Variants in FMN1 observed in about 807,000 individuals in gnomAD.
FMN1 encodes the protein formin 1.
FMN1 carries 110 observed loss-of-function variants against 132.4 expected under a neutral mutation model. The ratio of observed to expected loss-of-function variants is 0.83; its 90% CI spans 0.71 to 0.97. The LOEUF is 0.97. Ranked by LOEUF, FMN1 falls within the 50% of genes least tolerant of loss-of-function variation. FMN1 has a pLI of 0.00. For missense variants in FMN1, 1,792 were observed against 1,705.3 expected (o/e 1.05, Z -0.90); for synonymous variants, 722 against 651.7 (o/e 1.11, Z -1.64).
intron 16 of FMN1, among the ~76,000 whole-genome samples, chr15:32,862,140 T>C (rs1406438218): frequency 6.6e-6 from 1 of 152,098 alleles, no homozygotes; most frequent in East Asian, 1.9e-4. Context: ...ATGGGAGACC[T>C]GAAGGCTAAT....
At chr15:32,951,485 G>C (rs1016049927) in intron 9 of FMN1, among the ~76,000 whole-genome samples, 11 of 151,986 alleles carry the variant, frequency 7.2e-5, no homozygotes, top group Admixed American at 5.2e-4. Flanking sequence ...AGGGGAAATG[G>C]ATTGTAACTA....
rs377263342 is a variant in FMN1 at position 32,929,981 on chromosome 15, ATTTTTTTTTTTTTTT to A, written c.3139-3735_3139-3721del. Among the ~76,000 whole-genome samples the A allele has an allele frequency of 1.1e-4, 10 of 91,986 alleles. No individual in the cohort carries two copies. In the South Asian group the frequency reaches 3.8e-3, roughly 35 times the overall value. The allele number at this position is 91,986 out of a possible 152,430, so 60.3% of individuals were successfully genotyped here. ...GATCATATGGTAGTTCTATTTTTAA[ATTTTTTTTTTTTTTT>A]TTTTTTTTTTTGAGCTGGAGTCTCG... is the stretch of plus-strand genomic sequence containing the variant. On this transcript the variant is annotated intron_variant, in intron 9 of 20. Coordinates refer to ENST00000616417, the MANE Select transcript of FMN1 (RefSeq NM_001277313.2).
At chr15:32,830,646 T>C (rs1458979744) in intron 17 of FMN1, among the ~76,000 whole-genome samples, 1 of 152,144 alleles carries the variant, frequency 6.6e-6, no homozygotes, top group African/African-American at 2.4e-5. Flanking sequence ...GCTAAGTAAT[T>C]TCTCAAATAT....
chr15:32,966,670 A>G (rs969715945), intron 8 of FMN1, among the ~76,000 whole-genome samples: 8 of 152,238 alleles, frequency 5.3e-5, no homozygotes, highest in African/African-American at 1.9e-4. Flanking sequence ...AAAGCAATTT[A>G]GGTAGATGAG....
intron 10 of FMN1, among the ~76,000 whole-genome samples, chr15:32,913,015 C>G (rs996319363): frequency 7.2e-5 from 11 of 152,118 alleles, no homozygotes; most frequent in African/African-American, 2.7e-4. Context: ...CCTTTAACAT[C>G]TGGAAAGAGT....
At chr15:33,120,063 C>T (rs1290835981) in intron 4 of FMN1, among the ~76,000 whole-genome samples, 1 of 151,984 alleles carries the variant, frequency 6.6e-6, no homozygotes, top group Non-Finnish European at 1.5e-5. Context: ...AATTAAATGA[C>T]TCAATTTGAG....
chr15:32,770,729 T>A lies in FMN1; in HGVS notation c.*3581A>T, dbSNP rs78263497. ...AGGGGAGGGGAGACTGCATGCCATC[T>A]GATATTCAATTCCTCAACCATACTG... On this transcript the variant is annotated 3_prime_UTR_variant, in exon 21 of 21. Transcript: ENST00000616417. 1 of 152,228 alleles carries A rather than the reference T, an allele frequency of 6.6e-6. No homozygotes were observed. Among genetic ancestry groups the A allele is most frequent in the Non-Finnish European group, 1.5e-5 (1 of 68,054 alleles). The allele number at this position is 152,228 out of a possible 1,614,324, so 9.4% of individuals were successfully genotyped here.
intron 19 of FMN1, among the ~76,000 whole-genome samples, chr15:32,781,913 T>C (rs1261417329): frequency 6.6e-6 from 1 of 152,254 alleles, no homozygotes; most frequent in African/African-American, 2.4e-5. Context: ...CCAAACGACT[T>C]ACATTCTTTG....
chr15:33,178,628 T>C (rs1191448628), intron 3 of FMN1, among the ~76,000 whole-genome samples: 1 of 152,238 alleles, frequency 6.6e-6, no homozygotes, highest in Non-Finnish European at 1.5e-5. Context: ...ATCCCAGCTC[T>C]TCCACTTAGC....
At chr15:32,964,318 T>C (rs573725272) in intron 8 of FMN1, 61 bp from the exon 9 acceptor site, 345 of 1,170,810 alleles carry the variant, frequency 2.9e-4, no homozygotes, top group Non-Finnish European at 3.9e-4. Flanking sequence ...TGTAATACAA[T>C]GAAATCTTTC....
At chr15:33,062,813 G>A (rs1393371526) in intron 6 of FMN1, 1 of 152,026 alleles carries the variant, frequency 6.6e-6, no homozygotes, top group Admixed American at 6.6e-5. Flanking sequence ...TTTATTTGGG[G>A]AACATTTAAA....
intron 5 of FMN1, among the ~76,000 whole-genome samples, chr15:33,065,285 C>T (rs1032298145): frequency 1.3e-5 from 2 of 151,104 alleles, no homozygotes; most frequent in African/African-American, 4.9e-5. Flanking sequence ...ACTACAACAA[C>T]AAAAAAACCT....
In FMN1 at chr15:32,804,141, T is replaced by C. The variant is rs922549520; in HGVS notation, c.3980+140A>G. The C allele has an allele frequency of 4.7e-6, 3 of 638,220 alleles. No homozygotes were observed. In the African/African-American group the frequency reaches 5.6e-5, roughly 12 times the overall value. 39.5% of individuals were successfully genotyped at this position (638,220 alleles called of 1,614,324 possible). A position where few individuals can be genotyped will look rare whatever the true frequency, so the allele number is the denominator to read the frequency against. ...GAGTGGGGAATGGGGAATTTGTGTT[T>C]AAAGGGTATAAAGTTTCAGTTGGGG... is the stretch of plus-strand genomic sequence containing the variant. On this transcript the variant is annotated intron_variant, in intron 18 of 20. Transcript: ENST00000616417.
intron 6 of FMN1, among the ~76,000 whole-genome samples, chr15:33,049,593 A>C (rs2036871611): frequency 6.6e-6 from 1 of 152,218 alleles, no homozygotes. Context: ...TTGTTAAATC[A>C]AGTTTAGTCT....
At position 33,064,943 on chromosome 15, in the gene FMN1, T is replaced by C. The variant is rs1468892977; in HGVS notation, c.2161+14A>G. ...GAGATTCATTCCCGGGTCCCTAGCT[T>C]CCTTTCACATTACCTGCTTCAGTGT... On this transcript the variant is annotated intron_variant, in intron 6 of 20. Transcript: ENST00000616417. 1 of 1,582,108 alleles carries C rather than the reference T, an allele frequency of 6.3e-7. No homozygotes were observed.
intron 5 of FMN1, chr15:33,066,490 GC>G (rs1479511157): frequency 6.8e-7 from 1 of 1,475,876 alleles, no homozygotes. Flanking sequence ...ATGTTAAAAT[GC>G]AAAACCCAAT....
intron 4 of FMN1, among the ~76,000 whole-genome samples, chr15:33,093,124 C>T (rs933421892): frequency 1.3e-5 from 2 of 152,276 alleles, no homozygotes; most frequent in Admixed American, 6.5e-5. Flanking sequence ...AAGCTGTTTC[C>T]TCTAATTCTC....
At chr15:33,038,178 A>G (rs996091608) in intron 6 of FMN1, among the ~76,000 whole-genome samples, 1 of 152,252 alleles carries the variant, frequency 6.6e-6, no homozygotes, top group Non-Finnish European at 1.5e-5. Context: ...CAGTGAGCCG[A>G]GATCGCACCA....
intron 9 of FMN1, among the ~76,000 whole-genome samples, chr15:32,940,384 A>C (rs1183823836): frequency 6.9e-6 from 1 of 144,380 alleles, no homozygotes; most frequent in Admixed American, 7.2e-5. Context: ...TGCAAACAAA[A>C]TAAAAATTGT....
Sources: gnomAD v4.1 joint callset for allele counts (sites outside exome capture counted in the v4.1 genomes callset) on GRCh38, gnomAD v4.1.1 for gene constraint, MANE v1.5 for transcripts, NCBI Gene and HGNC (gene_info 2026-07-23, HGNC 2026-07-21) for gene names.